The following PATJ variants were observed in gnomAD, a reference collection of about 807,000 sequenced individuals.
PATJ encodes inaD-like protein.
In PATJ, 190 loss-of-function variants were observed where a neutral mutation model predicts 224.9. That is an observed-to-expected ratio of 0.84 (90% CI 0.75 to 0.95). The LOEUF (loss-of-function observed/expected upper bound fraction) is 0.95, where lower values mean the gene tolerates loss of function less well. Among genes scored for constraint, PATJ ranks in the 40% least tolerant of loss-of-function variants. PATJ has a pLI of 0.00. For missense variants in PATJ, 2,121 were observed against 2,270.3 expected (o/e 0.93, Z 1.34); for synonymous variants, 769 against 820.3 (o/e 0.94, Z 1.07).
In PATJ at chr1:62,018,064, A is replaced by T; in HGVS notation, c.3959+117A>T. The T allele has an allele frequency of 1.7e-6, 1 of 584,318 alleles. No individual in the cohort carries two copies. Among genetic ancestry groups the T allele is most frequent in the Non-Finnish European group, 3.2e-6 (1 of 314,074 alleles). The allele number at this position is 584,318 out of a possible 1,614,324, so 36.2% of individuals were successfully genotyped here. A position where few individuals can be genotyped will look rare whatever the true frequency, so the allele number is the denominator to read the frequency against. On this transcript the variant is annotated intron_variant, in intron 29 of 43. Coordinates refer to ENST00000642238, the MANE Select transcript of PATJ (RefSeq NM_001350145.3). The surrounding 1 kb of genome is among the most constrained non-coding windows in gnomAD (Gnocchi z 4.2). ...AAATCACTGTTCCTTCTAAAAACAT[A>T]TATTCCTTTTGTAACTGTCACTTCA...
intron 41 of PATJ, among the ~76,000 whole-genome samples, chr1:62,138,636 A>G (rs1184669031): frequency 6.6e-6 from 1 of 152,114 alleles, no homozygotes; most frequent in East Asian, 1.9e-4. Context: ...AAGGACCTGC[A>G]AGCATAAATT....
rs138775218 is a variant in PATJ at position 61,790,817 on chromosome 1, G to A, written c.1069-531G>A. ...GTGTGAGCCACTGCACCTGGCCTCT[G>A]CTTAGCTTCTTACAAAGGCCAAAAT... On this transcript the variant is annotated intron_variant, in intron 8 of 43. Coordinates refer to ENST00000642238, the MANE Select transcript of PATJ (RefSeq NM_001350145.3). Among the ~76,000 whole-genome samples the A allele has an allele frequency of 1.9e-4, 29 of 151,596 alleles. No homozygotes were observed. The East Asian group carries it at 5.8e-3, about 30-fold the overall frequency.
chr1:61,748,246 CT>C (rs35918825), intron 1 of PATJ, among the ~76,000 whole-genome samples: 397 of 65,098 alleles, frequency 6.1e-3, no homozygotes, highest in African/African-American at 0.019. Context: ...GCCTTAATGC[CT>C]TTTTTTTTTT....
intron 31 of PATJ, among the ~76,000 whole-genome samples, chr1:62,057,432 G>C (rs1654735502): frequency 6.6e-6 from 1 of 152,154 alleles, no homozygotes; most frequent in East Asian, 1.9e-4. Context: ...ATGGCAGTGG[G>C]AGGCCACAGA....
At chr1:61,816,869 C>G (rs962191112) in intron 14 of PATJ, among the ~76,000 whole-genome samples, 2 of 152,164 alleles carry the variant, frequency 1.3e-5, no homozygotes, top group African/African-American at 4.8e-5. Context: ...ATCCCAGGAG[C>G]TCTTTCAAAA....
intron 10 of PATJ, among the ~76,000 whole-genome samples, chr1:61,797,069 G>C (rs531359254): frequency 1.1e-4 from 16 of 152,210 alleles, no homozygotes; most frequent in Middle Eastern, 3.4e-3. Context: ...GTTTCACCAT[G>C]TTGGCTAGTC....
At chr1:62,065,196 C>T (rs1656209180) in intron 31 of PATJ, among the ~76,000 whole-genome samples, 1 of 152,084 alleles carries the variant, frequency 6.6e-6, no homozygotes, top group Non-Finnish European at 1.5e-5. Context: ...TTGTTTTTTT[C>T]TTCTATTCTC....
At chr1:61,982,766 A>ATG (rs1644520339) in intron 27 of PATJ, among the ~76,000 whole-genome samples, 1 of 151,896 alleles carries the variant, frequency 6.6e-6, no homozygotes. Flanking sequence ...GACATAATTT[A>ATG]TGTGTGTGTG....
At chr1:61,800,862 A>G (rs1652332465) in intron 11 of PATJ, among the ~76,000 whole-genome samples, 1 of 152,196 alleles carries the variant, frequency 6.6e-6, no homozygotes, top group Admixed American at 6.5e-5. Context: ...TAGTTTGCTC[A>G]GAATGATGGT....
chr1:61,784,852 C>T (rs147719947), intron 7 of PATJ, among the ~76,000 whole-genome samples: 5 of 152,264 alleles, frequency 3.3e-5, no homozygotes, highest in Middle Eastern at 3.4e-3. Flanking sequence ...AGCAATTCTT[C>T]ATTCTTTTTT....
chr1:61,869,705 G>A (rs552530575), intron 20 of PATJ, among the ~76,000 whole-genome samples: 3 of 152,326 alleles, frequency 2.0e-5, no homozygotes, highest in East Asian at 1.9e-4. Flanking sequence ...TGCTCTCCTC[G>A]AGGGAGGGAG....
chr1:62,050,146 A>G (rs959506753), intron 30 of PATJ, among the ~76,000 whole-genome samples: 1 of 150,602 alleles, frequency 6.6e-6, no homozygotes, highest in African/African-American at 2.4e-5. Context: ...AAATTCATTT[A>G]TTAAATTTTA....
chr1:61,858,089 G>A (rs1266671976), intron 18 of PATJ, among the ~76,000 whole-genome samples: 1 of 152,148 alleles, frequency 6.6e-6, no homozygotes, highest in African/African-American at 2.4e-5. Flanking sequence ...GTAAGAAAGA[G>A]GTTTAATTAG....
intron 6 of PATJ, 48 bp from the exon 7 acceptor site, chr1:61,775,158 C>A (rs1240512712): frequency 7.1e-6 from 11 of 1,542,226 alleles, no homozygotes; most frequent in Non-Finnish European, 9.6e-6. Flanking sequence ...AGCTAAGAAC[C>A]TGTGTGTATT....
intron 23 of PATJ, among the ~76,000 whole-genome samples, chr1:61,900,579 C>CTTTT (rs988386977): frequency 6.7e-6 from 1 of 150,344 alleles, no homozygotes; most frequent in Non-Finnish European, 1.5e-5. Context: ...ACATATGTGG[C>CTTTT]TTTCTTTTCT....
At chr1:61,780,968 G>A (rs369945889) in intron 7 of PATJ, among the ~76,000 whole-genome samples, 28 of 152,122 alleles carry the variant, frequency 1.8e-4, no homozygotes, top group African/African-American at 6.8e-4. Context: ...CAAAGAGAAG[G>A]AAGTACTTAC....
chr1:61,767,720 A>G (rs536942237), intron 4 of PATJ, among the ~76,000 whole-genome samples: 1 of 136,280 alleles, frequency 7.3e-6, no homozygotes, highest in Admixed American at 8.7e-5. Context: ...TCTGTTGCCC[A>G]GGCTGGAGTG....
chr1:61,761,986 C>T (rs1645998028), intron 1 of PATJ, among the ~76,000 whole-genome samples: 1 of 152,128 alleles, frequency 6.6e-6, no homozygotes, highest in African/African-American at 2.4e-5. Flanking sequence ...ATGCGCCCGG[C>T]CACTCTGTCT....
At chr1:61,998,021 A>G (rs1645507392) in intron 28 of PATJ, among the ~76,000 whole-genome samples, 1 of 123,986 alleles carries the variant, frequency 8.1e-6, no homozygotes, top group South Asian at 2.3e-4. Flanking sequence ...TATTAATTAT[A>G]TATAATATAT....
Sources: gnomAD v4.1 joint callset for allele counts (sites outside exome capture counted in the v4.1 genomes callset) on GRCh38, gnomAD v4.1.1 for gene constraint, Gnocchi (gnomAD v3.1) non-coding constraint, MANE v1.5 for transcripts, NCBI Gene and HGNC (gene_info 2026-07-23, HGNC 2026-07-21) for gene names.